RANBP2: variants seen among roughly 807,000 people sequenced by gnomAD.
The protein encoded by RANBP2 is E3 SUMO-protein ligase RanBP2.
Under a neutral mutation model 303.6 loss-of-function variants are expected in RANBP2, and 57 were observed. The ratio of observed to expected loss-of-function variants is 0.19; its 90% CI spans 0.15 to 0.23. RANBP2 has a LOEUF of 0.23. Ranked by LOEUF, RANBP2 falls within the 10% of genes least tolerant of loss-of-function variation. RANBP2 has a pLI of 1.00. For missense variants in RANBP2, 3,138 were observed against 3,780.8 expected (o/e 0.83, Z 4.46); for synonymous variants, 1,167 against 1,301.5 (o/e 0.90, Z 2.23).
At chr2:108,939,059 T>C in the RANBP2 span, among the ~76,000 whole-genome samples, 1 of 152,074 alleles carries the variant, frequency 6.6e-6, no homozygotes, top group African/African-American at 2.4e-5. Context: ...ATTACAGGCA[T>C]GAGCCACCGT....
chr2:109,471,726 G>C, the RANBP2 span, among the ~76,000 whole-genome samples: 2 of 152,296 alleles, frequency 1.3e-5, no homozygotes, highest in Middle Eastern at 3.4e-3. Flanking sequence ...TGCTGTCTCA[G>C]CCTCACATAC....
the RANBP2 span, among the ~76,000 whole-genome samples, chr2:108,990,063 A>T: frequency 6.6e-6 from 1 of 152,186 alleles, no homozygotes; most frequent in African/African-American, 2.4e-5. Flanking sequence ...TTGGAGGCTG[A>T]GGCGGGCAGA....
chr2:109,629,810 C>CA, the RANBP2 span, among the ~76,000 whole-genome samples: 34 of 143,794 alleles, frequency 2.4e-4, no homozygotes, highest in African/African-American at 5.9e-4. Flanking sequence ...GACTCCGTTT[C>CA]AAAAAAAAAA....
chr2:109,592,056 A>C, the RANBP2 span, among the ~76,000 whole-genome samples: 1 of 152,306 alleles, frequency 6.6e-6, no homozygotes, highest in East Asian at 1.9e-4. Context: ...GACCCTTAGA[A>C]GCATAAGGTG....
the RANBP2 span, among the ~76,000 whole-genome samples, chr2:109,702,745 C>T: frequency 6.6e-6 from 1 of 151,762 alleles, no homozygotes; most frequent in East Asian, 1.9e-4. Flanking sequence ...CGGTCACAGC[C>T]AGTTTATTTC....
chr2:108,893,681 A>G, the RANBP2 span, among the ~76,000 whole-genome samples: 16 of 152,166 alleles, frequency 1.1e-4, no homozygotes, highest in Non-Finnish European at 2.1e-4. Flanking sequence ...AAGAGCCATC[A>G]CAAGACTGAA....
chr2:109,426,858 C>T, the RANBP2 span, among the ~76,000 whole-genome samples: 1 of 152,154 alleles, frequency 6.6e-6, no homozygotes. Context: ...GCCACCACCA[C>T]CCTGAGTAGT....
At chr2:109,572,906 T>C in the RANBP2 span, among the ~76,000 whole-genome samples, 4 of 152,182 alleles carry the variant, frequency 2.6e-5, no homozygotes, top group Non-Finnish European at 4.4e-5. Flanking sequence ...TGAGCAACCA[T>C]GTCCAGCCCA....
chr2:109,024,201 A>G, the RANBP2 span, among the ~76,000 whole-genome samples: 1 of 152,242 alleles, frequency 6.6e-6, no homozygotes, highest in East Asian at 1.9e-4. Flanking sequence ...CTGGGATTAC[A>G]GGCGTGAGCC....
At chr2:109,478,966 G>C in the RANBP2 span, among the ~76,000 whole-genome samples, 1 of 152,218 alleles carries the variant, frequency 6.6e-6, no homozygotes, top group Non-Finnish European at 1.5e-5. Context: ...TTAGGCCTTA[G>C]CTGAGAGAAC....
At chr2:109,449,131 T>C in the RANBP2 span, 1 of 1,595,366 alleles carries the variant, frequency 6.3e-7, no homozygotes, top group Non-Finnish European at 8.5e-7. Flanking sequence ...AGTTGCAAAC[T>C]AACCTTTCAA....
the RANBP2 span, among the ~76,000 whole-genome samples, chr2:109,007,288 C>T: frequency 6.6e-6 from 1 of 152,248 alleles, no homozygotes; most frequent in Non-Finnish European, 1.5e-5. Context: ...CCAGCTAGCT[C>T]TCTTTCTAGC....
the RANBP2 span, among the ~76,000 whole-genome samples, chr2:109,476,826 G>T: frequency 1.3e-5 from 2 of 152,124 alleles, no homozygotes; most frequent in Admixed American, 6.5e-5. Flanking sequence ...ACAAGGGGTG[G>T]ATTATTCACA....
the RANBP2 span, among the ~76,000 whole-genome samples, chr2:109,701,881 A>G: frequency 6.6e-6 from 1 of 152,240 alleles, no homozygotes; most frequent in Non-Finnish European, 1.5e-5. Flanking sequence ...CACAAAGGCC[A>G]GTCAGTCCCT....
chr2:109,282,414 G>T, the RANBP2 span, among the ~76,000 whole-genome samples: 1 of 152,150 alleles, frequency 6.6e-6, no homozygotes, highest in Non-Finnish European at 1.5e-5. Context: ...AAGTAACTGG[G>T]AGAAGCTCTA....
chr2:109,107,331 A>G, the RANBP2 span, among the ~76,000 whole-genome samples: 2 of 151,860 alleles, frequency 1.3e-5, no homozygotes, highest in South Asian at 4.2e-4. Flanking sequence ...ACAGGTCCAG[A>G]TGTAGTTTGA....
chr2:108,794,174 A>G, the RANBP2 span, among the ~76,000 whole-genome samples: 3 of 152,226 alleles, frequency 2.0e-5, no homozygotes, highest in Non-Finnish European at 2.9e-5. Context: ...AGCAGCATGT[A>G]ACACTTACTT....
chr2:108,813,101 T>C, the RANBP2 span, among the ~76,000 whole-genome samples: 3 of 151,366 alleles, frequency 2.0e-5, no homozygotes, highest in African/African-American at 4.9e-5. Flanking sequence ...TACAGAAAAT[T>C]AGCCAGGCAT....
At chr2:109,763,703 C>T in the RANBP2 span, among the ~76,000 whole-genome samples, 2 of 150,410 alleles carry the variant, frequency 1.3e-5, no homozygotes, top group Admixed American at 6.8e-5. Context: ...AAAGCTTCTT[C>T]CTTTGATTGA....
Sources: gnomAD v4.1 joint callset for allele counts (sites outside exome capture counted in the v4.1 genomes callset) on GRCh38, gnomAD v4.1.1 for gene constraint, MANE v1.5 for transcripts, NCBI Gene and HGNC (gene_info 2026-07-23, HGNC 2026-07-21) for gene names.